TMTC1: variants seen among roughly 807,000 people sequenced by gnomAD.
TMTC1 encodes the protein transmembrane O-mannosyltransferase targeting cadherins 1.
A neutral mutation model predicts 104.8 loss-of-function variants in TMTC1; 73 were observed. The ratio of observed to expected loss-of-function variants is 0.70; its 90% CI spans 0.58 to 0.85. The LOEUF (loss-of-function observed/expected upper bound fraction) is 0.85, where lower values mean the gene tolerates loss of function less well. Ranked by LOEUF, TMTC1 falls within the 40% of genes least tolerant of loss-of-function variation. The probability of loss-of-function intolerance (pLI) is 0.00; values close to 1 mark genes in which losing one functional copy is unlikely to be tolerated. For synonymous variants in TMTC1, 434 were observed against 428.7 expected (o/e 1.01, Z -0.15); for missense variants, 1,035 against 1,096.1 (o/e 0.94, Z 0.79).
chr12:29,619,410 G>C (rs1049126020), intron 6 of TMTC1, among the ~76,000 whole-genome samples: 7 of 152,186 alleles, frequency 4.6e-5, no homozygotes, highest in African/African-American at 1.4e-4. Context: ...AGAACAAGGA[G>C]AATAATTTTA....
chr12:29,750,774 G>A (rs1943070869), intron 5 of TMTC1, among the ~76,000 whole-genome samples: 1 of 152,232 alleles, frequency 6.6e-6, no homozygotes, highest in South Asian at 2.1e-4. Context: ...CCCTACATCA[G>A]CAGAGAAACT....
intron 5 of TMTC1, among the ~76,000 whole-genome samples, chr12:29,728,621 C>T (rs12298182): frequency 2.0e-5 from 3 of 152,086 alleles, no homozygotes; most frequent in Non-Finnish European, 2.9e-5. Flanking sequence ...AACGCTGACT[C>T]TCAGACCTGC....
intron 7 of TMTC1, among the ~76,000 whole-genome samples, chr12:29,597,557 A>G (rs1946444058): frequency 6.6e-6 from 1 of 151,390 alleles, no homozygotes; most frequent in African/African-American, 2.4e-5. Flanking sequence ...CTTGGGGCAC[A>G]CATCTTCCCT....
At chr12:29,695,640 T>C (rs1446211869) in intron 5 of TMTC1, among the ~76,000 whole-genome samples, 1 of 151,860 alleles carries the variant, frequency 6.6e-6, no homozygotes, top group Non-Finnish European at 1.5e-5. Context: ...ATATGGATCT[T>C]TTGGGGAGCC....
chr12:29,737,770 T>A (rs562533628), intron 5 of TMTC1, among the ~76,000 whole-genome samples: 1 of 152,164 alleles, frequency 6.6e-6, no homozygotes, highest in Non-Finnish European at 1.5e-5. Flanking sequence ...GCTGAGCGAA[T>A]GATATGAGCT....
At chr12:29,642,504 T>C (rs1237872321) in intron 5 of TMTC1, among the ~76,000 whole-genome samples, 3 of 151,968 alleles carry the variant, frequency 2.0e-5, no homozygotes, top group Admixed American at 1.3e-4. Flanking sequence ...GTATCATATA[T>C]GAAGAAAAAA....
chr12:29,687,272 C>G (rs887529630), intron 5 of TMTC1, among the ~76,000 whole-genome samples: 15 of 152,050 alleles, frequency 9.9e-5, no homozygotes, highest in African/African-American at 1.5e-4. Flanking sequence ...CAAACAGACA[C>G]TTCATATGAT....
chr12:29,524,991 C>G (rs1944294426), intron 11 of TMTC1, among the ~76,000 whole-genome samples: 1 of 151,924 alleles, frequency 6.6e-6, no homozygotes, highest in African/African-American at 2.4e-5. Context: ...CTGTCCATGT[C>G]TAGGATGCCA....
At chr12:29,735,558 T>C (rs111631413) in intron 5 of TMTC1, among the ~76,000 whole-genome samples, 2,752 of 152,336 alleles carry the variant, frequency 0.018, 94 homozygotes, top group African/African-American at 0.063. Flanking sequence ...CAGGATTATA[T>C]ACAGTAAAAC....
At chr12:29,623,510 A>G (rs1937787717) in intron 6 of TMTC1, among the ~76,000 whole-genome samples, 1 of 152,192 alleles carries the variant, frequency 6.6e-6, no homozygotes, top group Non-Finnish European at 1.5e-5. Context: ...GATGCAACAA[A>G]ACTGGTTAAT....
intron 8 of TMTC1, among the ~76,000 whole-genome samples, chr12:29,578,856 A>G (rs1392811449): frequency 2.0e-5 from 3 of 152,190 alleles, no homozygotes; most frequent in Non-Finnish European, 4.4e-5. Context: ...ATTCTCCTCA[A>G]TTTTGACCCC....
At chr12:29,554,733 TG>T (rs956962903) in intron 10 of TMTC1, among the ~76,000 whole-genome samples, 3 of 151,776 alleles carry the variant, frequency 2.0e-5, no homozygotes, top group Non-Finnish European at 4.4e-5. Context: ...TAGCCAGCCA[TG>T]GGGGGGCATG....
intron 4 of TMTC1, among the ~76,000 whole-genome samples, chr12:29,754,371 G>A (rs1293056070): frequency 6.6e-6 from 1 of 152,140 alleles, no homozygotes. Context: ...CCAGTGGGCT[G>A]GAGAGTCCCA....
chr12:29,732,941 C>G (rs992175295), intron 5 of TMTC1, among the ~76,000 whole-genome samples: 6 of 152,052 alleles, frequency 3.9e-5, no homozygotes, highest in African/African-American at 1.4e-4. Flanking sequence ...AGGATAAAGC[C>G]TCTCACCTCT....
At chr12:29,728,277 C>A (rs575130939) in intron 5 of TMTC1, among the ~76,000 whole-genome samples, 1 of 152,086 alleles carries the variant, frequency 6.6e-6, no homozygotes, top group South Asian at 2.1e-4. Context: ...CAGAGTACAT[C>A]CTGTCAGTCC....
chr12:29,634,004 G>T (rs2136511426), intron 5 of TMTC1, among the ~76,000 whole-genome samples: 1 of 152,284 alleles, frequency 6.6e-6, no homozygotes, highest in Non-Finnish European at 1.5e-5. Flanking sequence ...ATTAAGCAGT[G>T]TTCTAGACCC....
At chr12:29,724,569 T>C (rs1942330063) in intron 5 of TMTC1, among the ~76,000 whole-genome samples, 1 of 152,188 alleles carries the variant, frequency 6.6e-6, no homozygotes, top group Non-Finnish European at 1.5e-5. Context: ...CATAGAGTAT[T>C]ACACAGCTGG....
chr12:29,632,022 A>G (rs1249930129), intron 6 of TMTC1, among the ~76,000 whole-genome samples: 1 of 152,212 alleles, frequency 6.6e-6, no homozygotes, highest in Non-Finnish European at 1.5e-5. Context: ...TTGCTTGTGC[A>G]TATGTCATTT....
rs1250958421 is a variant in TMTC1 at position 29,503,495 on chromosome 12, T to C, written c.*3351A>G. 1 of 152,046 alleles carries C rather than the reference T, an allele frequency of 6.6e-6. No individual in the cohort carries two copies. The highest frequency in any genetic ancestry group is 1.9e-4 in the East Asian group (1 of 5,178). 9.4% of individuals were successfully genotyped at this position (152,046 alleles called of 1,614,324 possible). Reference sequence around the variant, plus strand: ...GGATACAAAAAGAAATGGACACTTATCAGGGATTTTGAAGGCAAGGAGAAC... The same window carrying C: ...GGATACAAAAAGAAATGGACACTTACCAGGGATTTTGAAGGCAAGGAGAAC... On this transcript the variant is annotated 3_prime_UTR_variant, in exon 18 of 18. Coordinates refer to ENST00000539277, the MANE Select transcript of TMTC1 (RefSeq NM_001193451.2).
Sources: gnomAD v4.1 joint callset for allele counts (sites outside exome capture counted in the v4.1 genomes callset) on GRCh38, gnomAD v4.1.1 for gene constraint, MANE v1.5 for transcripts, NCBI Gene and HGNC (gene_info 2026-07-23, HGNC 2026-07-21) for gene names.